Variants in RBFOX1 observed in about 807,000 individuals in gnomAD.
The protein encoded by RBFOX1 is RNA binding protein fox-1 homolog 1.
RBFOX1 carries 8 observed loss-of-function variants against 57.7 expected under a neutral mutation model. That is an observed-to-expected ratio of 0.14 (90% CI 0.08 to 0.25). RBFOX1 has a LOEUF of 0.25. Among genes scored for constraint, RBFOX1 ranks in the 10% least tolerant of loss-of-function variants. The pLI is 1.00. For synonymous variants in RBFOX1, 326 were observed against 222.4 expected (o/e 1.47, Z -4.15); for missense variants, 611 against 548.5 (o/e 1.11, Z -1.14).
intron 6 of RBFOX1, among the ~76,000 whole-genome samples, chr16:7,584,523 C>A (rs922714349): frequency 2.0e-5 from 3 of 152,128 alleles, no homozygotes; most frequent in Non-Finnish European, 4.4e-5. Flanking sequence ...AAACTCCCCA[C>A]CTTGTGATCT....
At chr16:7,145,681 G>C (rs1053855796) in intron 4 of RBFOX1, among the ~76,000 whole-genome samples, 36 of 152,114 alleles carry the variant, frequency 2.4e-4, no homozygotes, top group African/African-American at 8.5e-4. Flanking sequence ...GTTTCATTTA[G>C]ATACTGATAA....
At chr16:7,154,837 G>T (rs530405986) in intron 4 of RBFOX1, among the ~76,000 whole-genome samples, 172 of 152,144 alleles carry the variant, frequency 1.1e-3, no homozygotes, top group Non-Finnish European at 2.0e-3. Flanking sequence ...TTCAACAACT[G>T]TATGAAGTTT....
intron 2 of RBFOX1, among the ~76,000 whole-genome samples, chr16:6,521,126 C>G (rs2096489467): frequency 6.6e-6 from 1 of 152,038 alleles, no homozygotes; most frequent in South Asian, 2.1e-4. Flanking sequence ...TTACTAGAGG[C>G]TCAAAATGGT....
rs73512130 is a variant in RBFOX1 at position 5,324,888 on chromosome 16, A to G, written c.219+84783A>G. The stretch of plus-strand genomic sequence containing the variant: ...ATCATTTACTAGACTTAGTGGTACT[A>G]CACTGCCAAACCCATTTATCCCCAG... On this transcript the variant is annotated intron_variant, in intron 1 of 2. Transcript: ENST00000585867. Among the ~76,000 whole-genome samples the G allele has an allele frequency of 7.9e-3, 1,210 of 152,266 alleles. 25 individuals are homozygous for G. Among genetic ancestry groups the G allele is most frequent in the African/African-American group, 0.028 (1,149 of 41,564 alleles).
intron 1 of RBFOX1, among the ~76,000 whole-genome samples, chr16:6,108,378 C>T (rs192028122): frequency 5.3e-5 from 8 of 152,176 alleles, no homozygotes; most frequent in Middle Eastern, 3.4e-3. Context: ...GATACTAACA[C>T]TTGTAAGGTG....
chr16:7,509,963 T>TG (rs1352897789), intron 4 of RBFOX1, among the ~76,000 whole-genome samples: 3 of 79,248 alleles, frequency 3.8e-5, no homozygotes, highest in African/African-American at 1.4e-4. Context: ...GGTCGAGCAG[T>TG]GGGTTTTTTT....
At chr16:6,362,657 G>A (rs989386886) in intron 2 of RBFOX1, among the ~76,000 whole-genome samples, 10 of 152,330 alleles carry the variant, frequency 6.6e-5, no homozygotes, top group African/African-American at 2.2e-4. Flanking sequence ...GAATCCTGAC[G>A]GCTTTAACCA....
chr16:6,863,530 C>A (rs926076401), intron 3 of RBFOX1, among the ~76,000 whole-genome samples: 6 of 151,894 alleles, frequency 4.0e-5, no homozygotes, highest in South Asian at 2.1e-4. Context: ...ATACTAATTA[C>A]AATTATTTTC....
At chr16:7,340,036 G>C (rs930958540) in intron 4 of RBFOX1, among the ~76,000 whole-genome samples, 1 of 152,152 alleles carries the variant, frequency 6.6e-6, no homozygotes, top group African/African-American at 2.4e-5. Flanking sequence ...ATTCCAGATT[G>C]CAGTCTCATT....
intron 3 of RBFOX1, among the ~76,000 whole-genome samples, chr16:6,797,289 A>G (rs538470951): frequency 6.6e-6 from 1 of 152,300 alleles, no homozygotes; most frequent in Non-Finnish European, 1.5e-5. Context: ...GGTAAATCTC[A>G]GAAATCTCTA....
chr16:7,303,555 G>A (rs2096084820), intron 4 of RBFOX1, among the ~76,000 whole-genome samples: 1 of 150,202 alleles, frequency 6.7e-6, no homozygotes, highest in East Asian at 2.1e-4. Flanking sequence ...TTTGGTGAGT[G>A]TTTTTTTGAA....
chr16:6,430,221 C>T (rs2094040694), intron 2 of RBFOX1, among the ~76,000 whole-genome samples: 1 of 152,130 alleles, frequency 6.6e-6, no homozygotes, highest in Admixed American at 6.6e-5. Flanking sequence ...AATACACCTA[C>T]TGTGTGCTGG....
chr16:5,751,778 C>G (rs1028079467), intron 3 of RBFOX1, among the ~76,000 whole-genome samples: 4 of 152,152 alleles, frequency 2.6e-5, no homozygotes, highest in African/African-American at 9.7e-5. Flanking sequence ...TACTCCAAAC[C>G]TCAACTATAT....
chr16:5,937,797 C>T (rs958721046), intron 4 of RBFOX1, among the ~76,000 whole-genome samples: 3 of 147,986 alleles, frequency 2.0e-5, no homozygotes, highest in Non-Finnish European at 1.5e-5. Flanking sequence ...AAATATATAC[C>T]TATATAAATT....
At chr16:7,263,256 C>T (rs982932527) in intron 4 of RBFOX1, among the ~76,000 whole-genome samples, 10 of 152,170 alleles carry the variant, frequency 6.6e-5, no homozygotes, top group Non-Finnish European at 8.8e-5. Context: ...GGCACACATC[C>T]TTAGTACCCA....
At chr16:7,654,000 A>G (rs1221053232) in intron 12 of RBFOX1, 53 bp downstream of exon 12, 2 of 1,440,238 alleles carry the variant, frequency 1.4e-6, no homozygotes, top group Admixed American at 2.7e-5. Context: ...CTCCCTCCCC[A>G]GAGGCACGGA....
intron 2 of RBFOX1, among the ~76,000 whole-genome samples, chr16:6,456,557 G>A (rs981528921): frequency 6.6e-6 from 1 of 152,162 alleles, no homozygotes; most frequent in Non-Finnish European, 1.5e-5. Flanking sequence ...TTACTTTAAG[G>A]ACAATTGGGA....
intron 4 of RBFOX1, among the ~76,000 whole-genome samples, chr16:7,338,530 A>G (rs1183330296): frequency 6.6e-6 from 1 of 152,158 alleles, no homozygotes; most frequent in Non-Finnish European, 1.5e-5. Context: ...CTGGAACTAC[A>G]GACATGTACC....
chr16:6,017,487 T>A (rs2095002306), upstream of RBFOX1, among the ~76,000 whole-genome samples: 1 of 152,214 alleles, frequency 6.6e-6, no homozygotes, highest in African/African-American at 2.4e-5. Flanking sequence ...GGTTTCATTT[T>A]GCTATCACTG....
Sources: allele counts gnomAD v4.1 joint callset (sites outside exome capture counted in the v4.1 genomes callset), GRCh38; gene constraint gnomAD v4.1.1; transcripts MANE v1.5; gene names NCBI Gene and HGNC (gene_info 2026-07-23, HGNC 2026-07-21).